The following TRIM33 variants were observed in gnomAD, a reference collection of about 807,000 sequenced individuals.
The protein encoded by TRIM33 is tripartite motif containing 33.
In TRIM33, 20 loss-of-function variants were observed where a neutral mutation model predicts 125.4. The ratio of observed to expected loss-of-function variants is 0.16; its 90% confidence interval spans 0.11 to 0.23. TRIM33 has a LOEUF of 0.23. Ranked by LOEUF, TRIM33 falls within the 10% of genes least tolerant of loss-of-function variation. TRIM33 has a pLI of 1.00. For synonymous variants in TRIM33, 564 were observed against 513.9 expected, an observed-to-expected ratio of 1.10 and a Z score of -1.32; for missense variants, 920 against 1,411.4, an observed-to-expected ratio of 0.65 and a Z score of 5.58.
At chr1:114,416,818 AAATG>A (rs1044219732) in intron 11 of TRIM33, among the ~76,000 whole-genome samples, 4 of 152,206 alleles carry the variant, frequency 2.6e-5, no homozygotes, top group African/African-American at 9.6e-5. Context: ...AATAATCCAT[AAATG>A]TGCCTGAATA....
chr1:114,414,090 C>T (rs952426770), intron 11 of TRIM33, among the ~76,000 whole-genome samples: 3 of 149,530 alleles, frequency 2.0e-5, no homozygotes, highest in African/African-American at 7.4e-5. Flanking sequence ...TTCGTGTTTG[C>T]ATATTCCTAG....
At chr1:114,463,045 G>C in intron 4 of TRIM33, 59 bp downstream of exon 4, 1 of 1,347,858 alleles carries the variant, frequency 7.4e-7, no homozygotes, top group East Asian at 2.5e-5. Flanking sequence ...TTAAGAAGAA[G>C]AATGACTTTA....
intron 1 of TRIM33, among the ~76,000 whole-genome samples, chr1:114,490,084 C>CAAAAAAAA (rs776451339): frequency 5.3e-5 from 2 of 37,616 alleles, no homozygotes; most frequent in African/African-American, 2.0e-4. Flanking sequence ...GACTCCGTCT[C>CAAAAAAAA]AAAAAAAAAA....
rs764361932 is a variant in TRIM33 at position 114,401,440 on chromosome 1, G to A, written c.2916C>T (p.Tyr972=). The part of the protein sequence containing the change: ...DQRKCERLLL[Y]LYCHELSIEF... ...CAATACTTAATTCATGGCAATAGAG[G>A]TAAAGCAGAAGACGTTCACATTTCT... is the stretch of plus-strand genomic sequence containing the variant. The change falls in exon 17 of 20, where the codon TAC becomes TAT. Residue 972 remains tyrosine (Y), a synonymous_variant. Transcript: ENST00000358465. The A allele has an allele frequency of 1.9e-6, 3 of 1,612,824 alleles. No homozygotes were observed. The highest frequency in any genetic ancestry group is 2.2e-5 in the South Asian group (2 of 91,006).
At chr1:114,448,472 A>G (rs925656178) in intron 4 of TRIM33, among the ~76,000 whole-genome samples, 1 of 152,232 alleles carries the variant, frequency 6.6e-6, no homozygotes, top group Non-Finnish European at 1.5e-5. Context: ...GTGGTCAGGA[A>G]TTGAGAATGT....
intron 4 of TRIM33, among the ~76,000 whole-genome samples, chr1:114,461,223 TATA>T (rs1349622046): frequency 7.3e-6 from 1 of 137,302 alleles, no homozygotes; most frequent in African/African-American, 2.8e-5. Flanking sequence ...AAAATATATA[TATA>T]TATATATATA....
At chr1:114,470,972 G>T (rs1306447602) in intron 1 of TRIM33, among the ~76,000 whole-genome samples, 1 of 152,094 alleles carries the variant, frequency 6.6e-6, no homozygotes, top group Non-Finnish European at 1.5e-5. Context: ...CTAATTTTTT[G>T]ATTTTTTGTA....
In TRIM33 at chr1:114,510,946, T is replaced by G; in HGVS notation, c.131A>C (p.Glu44Ala). The G allele has an allele frequency of 7.1e-7, 1 of 1,408,910 alleles. No homozygotes were observed. Among genetic ancestry groups the G allele is most frequent in the Non-Finnish European group, 9.2e-7 (1 of 1,083,862 alleles). The allele number at this position is 1,408,910 out of a possible 1,614,324, so 87.3% of individuals were successfully genotyped here. ...CCTGCCGCCTTCCTCCTCCTCCTCCTCCACCAGCACCGCGGTGAGAGGCGG... is the reference window on the plus strand; with the variant it reads ...CCTGCCGCCTTCCTCCTCCTCCTCCGCCACCAGCACCGCGGTGAGAGGCGG... ...AEPPLTAVLV[E>A]EEEEEGGRAG... The change falls in exon 1 of 20, where the codon GAG becomes GCG. Residue 44 changes from glutamate to alanine, a missense_variant. By Grantham distance (107) the Glu-to-Ala change is moderately radical. Transcript: ENST00000358465.
At chr1:114,399,927 AGG>A (rs1651768684) in intron 17 of TRIM33, among the ~76,000 whole-genome samples, 1 of 152,024 alleles carries the variant, frequency 6.6e-6, no homozygotes, top group Admixed American at 6.6e-5. Context: ...ATGACTCCTT[AGG>A]AGTTTTTCTT....
chr1:114,499,854 G>A lies in TRIM33; in HGVS notation c.526+10697C>T, dbSNP rs953104018. ...ATTATCAAATATAAATATGAAATCA[G>A]TATACCTGAGACATTTAAAAAATAG... On this transcript the variant is annotated intron_variant, in intron 1 of 19. Transcript: ENST00000358465. Among the ~76,000 whole-genome samples the A allele has an allele frequency of 1.3e-5, 2 of 152,122 alleles. 1 individual carries two copies. Among genetic ancestry groups the A allele is most frequent in the Admixed American group, 1.3e-4 (2 of 15,256 alleles).
chr1:114,494,375 G>A (rs1257955169), intron 1 of TRIM33, among the ~76,000 whole-genome samples: 2 of 152,176 alleles, frequency 1.3e-5, no homozygotes, highest in African/African-American at 2.4e-5. Flanking sequence ...CAGGTTATGT[G>A]TTGGGGGAGA....
intron 4 of TRIM33, among the ~76,000 whole-genome samples, chr1:114,436,603 TACAG>T (rs2101215657): frequency 6.6e-6 from 1 of 152,088 alleles, no homozygotes; most frequent in South Asian, 2.1e-4. Context: ...TAGCTGGGAC[TACAG>T]ACATACACCA....
intron 11 of TRIM33, chr1:114,420,436 T>A (rs751653737): frequency 3.0e-6 from 4 of 1,334,638 alleles, no homozygotes; most frequent in Non-Finnish European, 4.0e-6. Context: ...GAGTGCATCA[T>A]CGGAACAACG....
chr1:114,483,621 C>G (rs1284624054), intron 1 of TRIM33, among the ~76,000 whole-genome samples: 2 of 151,900 alleles, frequency 1.3e-5, no homozygotes, highest in Non-Finnish European at 2.9e-5. Flanking sequence ...CCATGTTGCC[C>G]AGGCTGGTTT....
intron 1 of TRIM33, among the ~76,000 whole-genome samples, chr1:114,506,806 A>G (rs1400061080): frequency 6.6e-6 from 1 of 152,196 alleles, no homozygotes; most frequent in Non-Finnish European, 1.5e-5. Flanking sequence ...AAATACTCCA[A>G]CGGTAAACAG....
chr1:114,430,159 G>A (rs1647851566), intron 6 of TRIM33, among the ~76,000 whole-genome samples: 1 of 151,988 alleles, frequency 6.6e-6, no homozygotes, highest in Non-Finnish European at 1.5e-5. Flanking sequence ...TTAAATTGAG[G>A]CCCCATCTTA....
chr1:114,402,092 T>C (rs549608052), intron 16 of TRIM33, among the ~76,000 whole-genome samples: 1 of 152,208 alleles, frequency 6.6e-6, no homozygotes, highest in Non-Finnish European at 1.5e-5. Flanking sequence ...TTAACTCTAA[T>C]GACCACACGA....
At chr1:114,463,592 A>G in intron 2 of TRIM33, 36 bp from the exon 3 acceptor site, 2 of 1,333,918 alleles carry the variant, frequency 1.5e-6, no homozygotes, top group Non-Finnish European at 2.1e-6. Flanking sequence ...TAAATTAAAT[A>G]CATAAAATCT....
intron 1 of TRIM33, among the ~76,000 whole-genome samples, chr1:114,476,867 T>C (rs1040951012): frequency 6.6e-6 from 1 of 152,068 alleles, no homozygotes; most frequent in Non-Finnish European, 1.5e-5. Context: ...AAAATCCAGA[T>C]AGTTATACAG....
Sources: gnomAD v4.1 joint callset for allele counts (sites outside exome capture counted in the v4.1 genomes callset) on GRCh38, gnomAD v4.1.1 for gene constraint, MANE v1.5 for transcripts, NCBI Gene and HGNC (gene_info 2026-07-23, HGNC 2026-07-21) for gene names.